SACS: variants seen among roughly 807,000 people sequenced by gnomAD.
SACS encodes the protein sacsin molecular chaperone, also known as sacsin.
SACS carries 197 observed loss-of-function variants against 348.0 expected under a neutral mutation model. The ratio of observed to expected loss-of-function variants is 0.57; its 90% CI spans 0.50 to 0.64. SACS has a LOEUF of 0.64. Among genes scored for constraint, SACS ranks in the 30% least tolerant of loss-of-function variants. The probability of loss-of-function intolerance (pLI) is 0.00; values close to 1 mark genes in which losing one functional copy is unlikely to be tolerated. For synonymous variants in SACS, 1,985 were observed against 1,910.6 expected (o/e 1.04, Z -1.02); for missense variants, 4,999 against 5,360.8 (o/e 0.93, Z 2.11).
rs568759290 is a variant in SACS at position 23,430,857 on chromosome 13, T to C, written c.-502+2758A>G. On this transcript the variant is annotated intron_variant, in intron 1 of 9. Transcript: ENST00000382292. ...GGTTATTATAATTGGACCACAGATCTCTCCTGACAAAACCCAGAACCAACG... is the reference window on the plus strand; with the variant it reads ...GGTTATTATAATTGGACCACAGATCCCTCCTGACAAAACCCAGAACCAACG... Among the ~76,000 whole-genome samples the C allele has an allele frequency of 3.3e-5, 5 of 152,190 alleles. No individual in the cohort carries two copies. The South Asian group carries it at 6.2e-4, about 19-fold the overall frequency.
intron 2 of SACS, among the ~76,000 whole-genome samples, chr13:23,393,287 T>G (rs1299103154): frequency 6.6e-6 from 1 of 152,232 alleles, no homozygotes; most frequent in Non-Finnish European, 1.5e-5. Flanking sequence ...GCCATGGAGA[T>G]ATGTGTGTAA....
At chr13:23,429,345 A>ATTTTTT (rs536939164) in intron 1 of SACS, among the ~76,000 whole-genome samples, 559 of 51,484 alleles carry the variant, frequency 0.011, 136 homozygotes, top group Non-Finnish European at 0.014. Context: ...TGAGGTAGGG[A>ATTTTTT]TTTTTTTTTT....
intron 7 of SACS, 136 bp downstream of exon 7, chr13:23,358,199 A>ATAC (rs1391334047): frequency 1.5e-5 from 13 of 877,946 alleles, no homozygotes; most frequent in Non-Finnish European, 2.2e-5. Context: ...TTTCATTGAC[A>ATAC]TACCTCCTGC....
At chr13:23,394,528 CACTT>C (rs1258030187) in intron 2 of SACS, among the ~76,000 whole-genome samples, 1 of 152,330 alleles carries the variant, frequency 6.6e-6, no homozygotes, top group African/African-American at 2.4e-5. Flanking sequence ...TGTTCTTTAA[CACTT>C]ACAGTGTCAT....
At chr13:23,359,948 T>C (rs1438527626) in intron 6 of SACS, among the ~76,000 whole-genome samples, 1 of 152,172 alleles carries the variant, frequency 6.6e-6, no homozygotes, top group Non-Finnish European at 1.5e-5. Flanking sequence ...ATAGTTAAAG[T>C]TGGAAAGTGC....
chr13:23,395,097 C>T (rs1201823553), intron 2 of SACS, among the ~76,000 whole-genome samples: 2 of 152,096 alleles, frequency 1.3e-5, no homozygotes, highest in East Asian at 1.9e-4. Context: ...TCTGTTCATT[C>T]GACAGGGAGG....
At position 23,417,831 on chromosome 13, in the gene SACS, C is replaced by G. The variant is rs1873745999; in HGVS notation, c.-501-6091G>C. Among the ~76,000 whole-genome samples, 3 of 152,100 alleles carry G rather than the reference C, an allele frequency of 2.0e-5. No individual in the cohort carries two copies. In the South Asian group the frequency reaches 6.2e-4, roughly 32 times the overall value. ...CACCTGTAATCCCAGCACTTTGGAA[C>G]ACTGAGGCAGGCGGAACCCCTGAGC... On this transcript the variant is annotated intron_variant, in intron 1 of 9. Transcript: ENST00000382292.
intron 6 of SACS, among the ~76,000 whole-genome samples, chr13:23,360,131 C>T (rs1289694859): frequency 1.3e-5 from 2 of 152,006 alleles, no homozygotes; most frequent in African/African-American, 2.4e-5. Context: ...GTGCTGGGGA[C>T]CCAATGAGAC....
intron 2 of SACS, among the ~76,000 whole-genome samples, chr13:23,391,457 G>A (rs905826887): frequency 2.0e-5 from 3 of 152,186 alleles, no homozygotes; most frequent in Non-Finnish European, 4.4e-5. Context: ...CTGGGAGTAA[G>A]GAAGAGAGTA....
At chr13:23,375,635 G>C in intron 2 of SACS, 1 of 916,638 alleles carries the variant, frequency 1.1e-6, no homozygotes, top group Non-Finnish European at 1.3e-6. Context: ...CGTTAGCTGG[G>C]GATCCGCCCC....
intron 2 of SACS, among the ~76,000 whole-genome samples, chr13:23,403,674 T>C (rs1593175036): frequency 6.6e-6 from 1 of 152,208 alleles, no homozygotes; most frequent in East Asian, 1.9e-4. Flanking sequence ...ATCTATTTTG[T>C]TAATCTTTTC....
At chr13:23,410,980 T>C (rs947614474) in intron 2 of SACS, among the ~76,000 whole-genome samples, 1 of 152,158 alleles carries the variant, frequency 6.6e-6, no homozygotes, top group Non-Finnish European at 1.5e-5. Flanking sequence ...TCCATTGCAA[T>C]AGCCTCACCA....
chr13:23,344,968 T>C (rs1869503601), intron 9 of SACS, among the ~76,000 whole-genome samples: 1 of 152,206 alleles, frequency 6.6e-6, no homozygotes, highest in South Asian at 2.1e-4. Context: ...CAGATGGAAA[T>C]ATTATATATA....
chr13:23,396,426 T>C (rs941361177), intron 2 of SACS, among the ~76,000 whole-genome samples: 2 of 152,134 alleles, frequency 1.3e-5, no homozygotes, highest in African/African-American at 4.8e-5. Context: ...TTTGAGTAAA[T>C]TTTTAATAAC....
chr13:23,330,248 G>A lies in SACS; in HGVS notation c.13628C>T (p.Pro4543Leu), dbSNP rs1883380515. The A allele has an allele frequency of 6.2e-7, 1 of 1,614,106 alleles. No individual in the cohort carries two copies. Among genetic ancestry groups the A allele is most frequent in the Non-Finnish European group, 8.5e-7 (1 of 1,180,002 alleles). The change falls in exon 10 of 10, where the codon CCC (proline) becomes CTC (leucine). Residue 4543 changes from proline (P) to leucine (L), a missense_variant. Physicochemically the swap from Pro to Leu is moderately conservative, Grantham distance 98 (BLOSUM62 -3). This residue lies in a region of SACS where 254 missense variants were observed against 275.1 expected (regional missense o/e 0.92). Transcript: ENST00000382292. ...CCTGTCATTTGGGATCTGAGGAAAGGGAAGCAAATCAGGGTATCTTGTTTT... is the reference window on the plus strand; with the variant it reads ...CCTGTCATTTGGGATCTGAGGAAAGAGAAGCAAATCAGGGTATCTTGTTTT... ...SLKTRYPDLL[P>L]FPQIPNDRFT...
chr13:23,375,501 C>G (rs975706050), intron 2 of SACS: 2 of 1,133,732 alleles, frequency 1.8e-6, no homozygotes, highest in Non-Finnish European at 2.2e-6. Flanking sequence ...CAGCCCGCGC[C>G]GAGGAGGAAA....
chr13:23,374,564 A>G (rs1224495462), intron 3 of SACS, among the ~76,000 whole-genome samples: 1 of 152,242 alleles, frequency 6.6e-6, no homozygotes, highest in East Asian at 1.9e-4. Context: ...AACCAATCTT[A>G]AAGAATACAT....
chr13:23,395,872 A>G (rs892600927), intron 2 of SACS, among the ~76,000 whole-genome samples: 6 of 152,230 alleles, frequency 3.9e-5, no homozygotes, highest in African/African-American at 4.8e-5. Context: ...AATGAAAGCT[A>G]CAAGGTCTCT....
chr13:23,368,876 T>G (rs948268770), intron 4 of SACS, among the ~76,000 whole-genome samples: 1 of 151,896 alleles, frequency 6.6e-6, no homozygotes, highest in African/African-American at 2.4e-5. Flanking sequence ...TTTTTTTGTA[T>G]TTTTAGTAGA....
Sources: gnomAD v4.1 joint callset for allele counts (sites outside exome capture counted in the v4.1 genomes callset) on GRCh38, gnomAD v4.1.1 for gene constraint, gnomAD v4.1.1 regional missense constraint, MANE v1.5 for transcripts, NCBI Gene and HGNC (gene_info 2026-07-23, HGNC 2026-07-21) for gene names.